RBFOX1: variants seen among roughly 807,000 people sequenced by gnomAD.
RBFOX1 encodes RNA binding fox-1 homolog 1.
Under a neutral mutation model 57.7 loss-of-function variants are expected in RBFOX1, and 8 were observed. The ratio of observed to expected loss-of-function variants is 0.14; its 90% CI spans 0.08 to 0.25. RBFOX1 has a LOEUF of 0.25. RBFOX1 is among the 10% of genes least tolerant of loss of function. The pLI, the probability that RBFOX1 is intolerant of heterozygous loss-of-function variation, is 1.00. For missense variants in RBFOX1, 611 were observed against 548.5 expected, an observed-to-expected ratio of 1.11 and a Z score of -1.14; for synonymous variants, 326 against 222.4, an observed-to-expected ratio of 1.47 and a Z score of -4.15.
chr16:6,558,874 C>T (rs573268580), intron 2 of RBFOX1, among the ~76,000 whole-genome samples: 3 of 151,098 alleles, frequency 2.0e-5, no homozygotes, highest in South Asian at 2.1e-4. Context: ...CTGAGTGGGA[C>T]GTTGTGAGCA....
At chr16:6,400,457 G>T (rs998166608) in intron 2 of RBFOX1, among the ~76,000 whole-genome samples, 2 of 152,142 alleles carry the variant, frequency 1.3e-5, no homozygotes, top group African/African-American at 4.8e-5. Context: ...TGAATGTATA[G>T]CTATAGATGC....
intron 3 of RBFOX1, among the ~76,000 whole-genome samples, chr16:5,660,136 C>T (rs1387480327): frequency 6.6e-5 from 10 of 152,110 alleles, no homozygotes; most frequent in Admixed American, 3.9e-4. Context: ...CTGCATTTGG[C>T]GAGAATGGGA....
At chr16:6,489,343 A>G (rs2095577857) in intron 2 of RBFOX1, among the ~76,000 whole-genome samples, 1 of 152,280 alleles carries the variant, frequency 6.6e-6, no homozygotes, top group South Asian at 2.1e-4. Flanking sequence ...TGTTTATATA[A>G]TATTTTATAT....
At chr16:5,370,735 C>T (rs2065837475) in intron 1 of RBFOX1, among the ~76,000 whole-genome samples, 1 of 152,068 alleles carries the variant, frequency 6.6e-6, no homozygotes, top group African/African-American at 2.4e-5. Context: ...TCAAACTGTT[C>T]TCCCACCTTG....
At chr16:6,241,046 A>G (rs577629063) in intron 1 of RBFOX1, among the ~76,000 whole-genome samples, 4 of 152,288 alleles carry the variant, frequency 2.6e-5, no homozygotes, top group African/African-American at 9.6e-5. Context: ...ATTGATGTAC[A>G]TATGCACAAA....
chr16:7,219,820 T>C (rs2092583958), intron 4 of RBFOX1, among the ~76,000 whole-genome samples: 1 of 152,206 alleles, frequency 6.6e-6, no homozygotes, highest in Non-Finnish European at 1.5e-5. Flanking sequence ...AAGCATGACC[T>C]TCCACCAAAG....
Position 7,129,176 on chromosome 16 carries a change from G to T in RBFOX1, c.27+77078G>T, listed in dbSNP as rs182867027. Among the ~76,000 whole-genome samples, 44 of 152,272 alleles carry T rather than the reference G, an allele frequency of 2.9e-4. No homozygotes were observed. In the East Asian group the frequency reaches 8.3e-3, roughly 29 times the overall value. On this transcript the variant is annotated intron_variant, in intron 4 of 15. Coordinates refer to ENST00000550418, the MANE Select transcript of RBFOX1 (RefSeq NM_018723.4). ...TTTTAGCAGGATTCAAACCAGGAAA[G>T]TCTGGCTCCAGAGTACAAGTTCTTC...
chr16:5,837,270 C>T (rs1420440935), intron 3 of RBFOX1, among the ~76,000 whole-genome samples: 1 of 151,402 alleles, frequency 6.6e-6, no homozygotes, highest in East Asian at 1.9e-4. Context: ...TTTTTAACTA[C>T]ACACAAACTG....
chr16:7,443,957 A>T (rs973125655), intron 4 of RBFOX1, among the ~76,000 whole-genome samples: 3 of 152,182 alleles, frequency 2.0e-5, no homozygotes, highest in Admixed American at 2.0e-4. Context: ...GGGAGAAACC[A>T]AAGCTGTACA....
rs990031872 is a variant in RBFOX1, at chr16:7,001,856, C to G, written c.-15-50201C>G. 5.3e-5 allele frequency among the ~76,000 whole-genome samples: 8 copies of G among 152,266 alleles called. No individual in the cohort carries two copies. The East Asian group carries it at 5.8e-4, about 11-fold the overall frequency. On this transcript the variant is annotated intron_variant, in intron 3 of 15. Coordinates refer to ENST00000550418, the MANE Select transcript of RBFOX1 (RefSeq NM_018723.4). ...ATTATTACTTTAACTCTGTTCAGCA[C>G]TTGTCTCAACTTTTCTTATTAAGTG...
Position 6,943,686 on chromosome 16 carries a change from C to T in RBFOX1, c.-15-108371C>T, listed in dbSNP as rs189375097. The stretch of plus-strand genomic sequence containing the variant: ...TTGCGTCACTGCACTCCAGCCTGGG[C>T]GAGAGAGTGAGACTCTGTCTTTAAA... On this transcript the variant is annotated intron_variant, in intron 3 of 15. Transcript: ENST00000550418. Among the ~76,000 whole-genome samples, 638 of 143,594 alleles carry T rather than the reference C, an allele frequency of 4.4e-3. 4 individuals carry two copies. Among genetic ancestry groups the T allele is most frequent in the African/African-American group, 0.016 (611 of 37,946 alleles). The allele number at this position is 143,594 out of a possible 152,430, so 94.2% of individuals were successfully genotyped here. A position where few individuals can be genotyped will look rare whatever the true frequency, so the allele number is the denominator to read the frequency against.
intron 2 of RBFOX1, among the ~76,000 whole-genome samples, chr16:6,493,870 C>G (rs1323432986): frequency 6.6e-6 from 1 of 152,150 alleles, no homozygotes; most frequent in East Asian, 1.9e-4. Context: ...ATAAACTATG[C>G]AACGTTAAGT....
At chr16:6,127,397 C>T (rs116179136) in intron 1 of RBFOX1, among the ~76,000 whole-genome samples, 2,490 of 152,034 alleles carry the variant, frequency 0.016, 80 homozygotes, top group African/African-American at 0.056. Context: ...TTCATGTGGA[C>T]CTTTTAATTC....
chr16:5,979,695 C>G (rs1307899532), intron 4 of RBFOX1, among the ~76,000 whole-genome samples: 4 of 152,096 alleles, frequency 2.6e-5, no homozygotes, highest in South Asian at 2.1e-4. Flanking sequence ...AACCCCATCT[C>G]TACTAAAAAT....
In RBFOX1 at chr16:5,417,625, A is replaced by G. The variant is rs1372799790; in HGVS notation, c.220-49591A>G. Among the ~76,000 whole-genome samples, 4 of 152,096 alleles carry G rather than the reference A, an allele frequency of 2.6e-5. No individual in the cohort carries two copies. In the East Asian group the frequency reaches 7.7e-4, roughly 29 times the overall value. On this transcript the variant is annotated intron_variant, in intron 1 of 2. Coordinates refer to the RBFOX1 transcript ENST00000585867. ...AGACATGGGCTGGTATCAATGGGAT[A>G]CCCTTTGCAAGCCCTTTTCAGGTTG... is the stretch of plus-strand genomic sequence containing the variant.
At chr16:5,801,757 T>C (rs1373519855) in intron 3 of RBFOX1, among the ~76,000 whole-genome samples, 2 of 125,152 alleles carry the variant, frequency 1.6e-5, no homozygotes, top group Non-Finnish European at 3.1e-5. Flanking sequence ...GTTTTTTGTG[T>C]TGTTTGTTTG....
At chr16:6,568,838 G>C (rs537295867) in intron 2 of RBFOX1, among the ~76,000 whole-genome samples, 1 of 151,932 alleles carries the variant, frequency 6.6e-6, no homozygotes, top group South Asian at 2.1e-4. Context: ...GCGCGATCTC[G>C]GCTCACTGCA....
intron 4 of RBFOX1, among the ~76,000 whole-genome samples, chr16:7,154,033 T>A (rs2076607220): frequency 6.6e-6 from 1 of 152,224 alleles, no homozygotes; most frequent in Non-Finnish European, 1.5e-5. Flanking sequence ...CATAGTTGTT[T>A]TTGTTACTAG....
At chr16:7,630,082 T>TA (rs1176227497) in intron 10 of RBFOX1, among the ~76,000 whole-genome samples, 8 of 152,134 alleles carry the variant, frequency 5.3e-5, no homozygotes, top group African/African-American at 1.9e-4. Flanking sequence ...GTATGCTTAC[T>TA]ATTGATTGAG....
Sources: allele counts gnomAD v4.1 joint callset (sites outside exome capture counted in the v4.1 genomes callset), GRCh38; gene constraint gnomAD v4.1.1; transcripts MANE v1.5; gene names NCBI Gene and HGNC (gene_info 2026-07-23, HGNC 2026-07-21).